THRAP3: variants seen among roughly 807,000 people sequenced by gnomAD.
The protein encoded by THRAP3 is thyroid hormone receptor associated protein 3.
A neutral mutation model predicts 101.0 loss-of-function variants in THRAP3; 16 were observed. That is an observed-to-expected ratio of 0.16 (90% CI 0.11 to 0.24). The LOEUF (loss-of-function observed/expected upper bound fraction) is 0.24, where lower values mean the gene tolerates loss of function less well. THRAP3 is among the 10% of genes least tolerant of loss of function. The probability of loss-of-function intolerance (pLI) is 1.00; values close to 1 mark genes in which losing one functional copy is unlikely to be tolerated. For missense variants in THRAP3, 989 were observed against 1,202.7 expected (o/e 0.82, Z 2.63); for synonymous variants, 407 against 422.6 (o/e 0.96, Z 0.45).
chr1:36,287,205 C>G lies in THRAP3; in HGVS notation c.975C>G (p.Gly325=). The G allele has an allele frequency of 6.2e-7, 1 of 1,614,138 alleles. No individual in the cohort carries two copies. Among genetic ancestry groups the G allele is most frequent in the Non-Finnish European group, 8.5e-7 (1 of 1,180,008 alleles). The change falls in exon 4 of 12, where the codon GGC becomes GGG. Residue 325 remains glycine, a synonymous_variant. Transcript: ENST00000354618. ...SPVGKSPPST[G]STYGSSQKEE... ...TGGGTAAGAGTCCACCATCCACTGG[C>G]TCCACATATGGCTCATCTCAGAAGG...
At chr1:36,281,414 A>G (rs780687219) in intron 2 of THRAP3, among the ~76,000 whole-genome samples, 2 of 152,218 alleles carry the variant, frequency 1.3e-5, no homozygotes, top group African/African-American at 2.4e-5. Context: ...CACCAAAATT[A>G]ATAAGCACCC....
At chr1:36,211,864 T>A in the THRAP3 span, among the ~76,000 whole-genome samples, 1 of 152,312 alleles carries the variant, frequency 6.6e-6, no homozygotes, top group East Asian at 1.9e-4. Flanking sequence ...CAGACAATGC[T>A]GCCGGTTCCA....
chr1:36,252,072 A>G (rs1027055323), intron 1 of THRAP3, among the ~76,000 whole-genome samples: 3 of 152,184 alleles, frequency 2.0e-5, no homozygotes, highest in African/African-American at 4.8e-5. Context: ...AGTTCCTACC[A>G]TTTGGGAGTC....
At chr1:36,214,989 A>G in the THRAP3 span, among the ~76,000 whole-genome samples, 7 of 152,168 alleles carry the variant, frequency 4.6e-5, no homozygotes, top group Admixed American at 3.9e-4. Context: ...TGGGAGGCCG[A>G]GGCGGGCGGA....
chr1:36,272,633 G>A (rs776992054), intron 2 of THRAP3, among the ~76,000 whole-genome samples: 3 of 152,142 alleles, frequency 2.0e-5, no homozygotes, highest in Non-Finnish European at 4.4e-5. Context: ...TGTCTAAAAC[G>A]CTTTATGGGT....
At chr1:36,214,272 A>G in the THRAP3 span, among the ~76,000 whole-genome samples, 1 of 152,238 alleles carries the variant, frequency 6.6e-6, no homozygotes, top group Non-Finnish European at 1.5e-5. Flanking sequence ...CTGTATAAGC[A>G]GCATGGGCTA....
chr1:36,298,006 G>A (rs1645975087), intron 9 of THRAP3, among the ~76,000 whole-genome samples: 1 of 151,292 alleles, frequency 6.6e-6, no homozygotes, highest in South Asian at 2.1e-4. Flanking sequence ...AATTAGCCGG[G>A]CATGGTGGCG....
rs1283635050 is a variant in THRAP3, at chr1:36,256,468, G to A, written c.-134-2914G>A. Among the ~76,000 whole-genome samples, 9 of 151,864 alleles carry A rather than the reference G, an allele frequency of 5.9e-5. No homozygotes were observed. In the East Asian group the frequency reaches 1.7e-3, roughly 29 times the overall value. ...TCTCCATCTCCTGACCTCGTGATCCGCCCGCCTCGGCCTCCCAAAGTGCTG... is the reference window on the plus strand; with the variant it reads ...TCTCCATCTCCTGACCTCGTGATCCACCCGCCTCGGCCTCCCAAAGTGCTG... On this transcript the variant is annotated intron_variant, in intron 1 of 11. Coordinates refer to ENST00000354618, the MANE Select transcript of THRAP3 (RefSeq NM_005119.4).
the THRAP3 span, among the ~76,000 whole-genome samples, chr1:36,210,365 CA>C: frequency 3.5e-3 from 173 of 49,600 alleles, no homozygotes; most frequent in African/African-American, 4.2e-3. Flanking sequence ...GACTCCATCT[CA>C]AAAAAAAAAA....
chr1:36,229,407 TTTTTGTTTTTTTTTTG>T (rs1644999921), intron 1 of THRAP3, among the ~76,000 whole-genome samples: 2 of 19,210 alleles, frequency 1.0e-4, no homozygotes, highest in South Asian at 0.015. Flanking sequence ...ACAGTTTTTT[TTTTTGTTTTTTTTTTG>T]TTTTTTTTTT....
upstream of THRAP3, among the ~76,000 whole-genome samples, chr1:36,220,305 T>A (rs1000545772): frequency 6.6e-6 from 1 of 152,186 alleles, no homozygotes; most frequent in East Asian, 1.9e-4. Flanking sequence ...AATGTTGTTT[T>A]TATGCCTGCT....
chr1:36,252,451 C>G (rs912389520), intron 1 of THRAP3, among the ~76,000 whole-genome samples: 14 of 152,128 alleles, frequency 9.2e-5, no homozygotes, highest in African/African-American at 3.1e-4. Flanking sequence ...GCCATCTGCA[C>G]TAAATGCATT....
intron 1 of THRAP3, among the ~76,000 whole-genome samples, chr1:36,230,772 T>C (rs992131824): frequency 1.2e-4 from 18 of 152,190 alleles, no homozygotes; most frequent in Non-Finnish European, 2.5e-4. Flanking sequence ...ATGGACTAAA[T>C]CCAATCTGCA....
intron 1 of THRAP3, among the ~76,000 whole-genome samples, chr1:36,239,550 A>G (rs949490495): frequency 6.6e-6 from 1 of 152,210 alleles, no homozygotes; most frequent in Non-Finnish European, 1.5e-5. Flanking sequence ...TACAGGCATG[A>G]GCCACCTTAC....
At chr1:36,264,019 A>C (rs918694840) in intron 2 of THRAP3, among the ~76,000 whole-genome samples, 2 of 152,234 alleles carry the variant, frequency 1.3e-5, no homozygotes, top group East Asian at 3.8e-4. Flanking sequence ...GCTGTGTAGG[A>C]AGATACCTGA....
chr1:36,283,149 A>C (rs1461598810), intron 3 of THRAP3, among the ~76,000 whole-genome samples: 2 of 152,260 alleles, frequency 1.3e-5, no homozygotes, highest in Non-Finnish European at 2.9e-5. Context: ...GAAACTTATC[A>C]GGAGTAATTT....
chr1:36,253,317 A>G (rs1474351439), intron 1 of THRAP3, among the ~76,000 whole-genome samples: 1 of 152,128 alleles, frequency 6.6e-6, no homozygotes, highest in Non-Finnish European at 1.5e-5. Flanking sequence ...TGAAGATTAG[A>G]TGGAAGCTCC....
the THRAP3 span, among the ~76,000 whole-genome samples, chr1:36,211,196 T>G: frequency 1.3e-5 from 2 of 150,224 alleles, no homozygotes; most frequent in African/African-American, 4.9e-5. Flanking sequence ...TCTGTCACTA[T>G]TAAAAAAAAA....
At chr1:36,295,545 TTTCCTTCCTTCCTTCC>T (rs55705007) in intron 8 of THRAP3, among the ~76,000 whole-genome samples, 2,754 of 145,516 alleles carry the variant, frequency 0.019, 85 homozygotes, top group African/African-American at 0.067. Context: ...AGAGAAGTTT[TTTCCTTCCTTCCTTCC>T]TTCCTTCCTT....
Sources: allele counts gnomAD v4.1 joint callset (sites outside exome capture counted in the v4.1 genomes callset), GRCh38; gene constraint gnomAD v4.1.1; transcripts MANE v1.5; gene names NCBI Gene and HGNC (gene_info 2026-07-23, HGNC 2026-07-21).